The following RBM47 variants were observed in gnomAD, a reference collection of about 807,000 sequenced individuals.
RBM47 encodes RNA-binding protein 47.
In RBM47, 21 loss-of-function variants were observed where a neutral mutation model predicts 47.1. The observed-to-expected ratio is 0.45, with a 90% confidence interval of 0.32 to 0.64. The LOEUF (loss-of-function observed/expected upper bound fraction) is 0.64, where lower values mean the gene tolerates loss of function less well. Ranked by LOEUF, RBM47 falls within the 30% of genes least tolerant of loss-of-function variation. The pLI is 0.05. For synonymous variants in RBM47, 375 were observed against 361.7 expected (o/e 1.04, Z -0.42); for missense variants, 708 against 870.9 (o/e 0.81, Z 2.35).
intron 1 of RBM47, among the ~76,000 whole-genome samples, chr4:40,589,862 A>G (rs1191547923): frequency 6.6e-6 from 1 of 152,220 alleles, no homozygotes; most frequent in South Asian, 2.1e-4. Flanking sequence ...AACACTAATC[A>G]TAAGTACCTG....
chr4:40,553,141 CTTTTTTT>C (rs749256704), intron 1 of RBM47, among the ~76,000 whole-genome samples: 1 of 135,682 alleles, frequency 7.4e-6, no homozygotes, highest in Non-Finnish European at 1.6e-5. Context: ...CCTCTGATTG[CTTTTTTT>C]TTTTTTTAAT....
chr4:40,550,116 G>A (rs1343975089), intron 1 of RBM47, among the ~76,000 whole-genome samples: 2 of 152,204 alleles, frequency 1.3e-5, no homozygotes, highest in Admixed American at 1.3e-4. Context: ...CAACAGAGCT[G>A]TCTTGGAACG....
chr4:40,596,378 G>C (rs1226780515), intron 1 of RBM47, among the ~76,000 whole-genome samples: 1 of 152,174 alleles, frequency 6.6e-6, no homozygotes, highest in East Asian at 1.9e-4. Flanking sequence ...TTCACTTCCT[G>C]GTGCAGGCAC....
Position 40,456,207 on chromosome 4 carries a change from A to G in RBM47, c.-32+10370T>C, listed in dbSNP as rs549362662. ...TAGTAGGCCCTAAATATTGCCTGTTAACTAATTATGGTGTCATATACCATG... is the reference window on the plus strand; with the variant it reads ...TAGTAGGCCCTAAATATTGCCTGTTGACTAATTATGGTGTCATATACCATG... On this transcript the variant is annotated intron_variant, in intron 3 of 6. Transcript: ENST00000295971. 1.9e-3 allele frequency among the ~76,000 whole-genome samples: 294 copies of G among 152,282 alleles called. 2 individuals are homozygous for G. Among genetic ancestry groups the G allele is most frequent in the African/African-American group, 6.6e-3 (276 of 41,566 alleles).
chr4:40,477,178 G>A (rs921778060), intron 2 of RBM47, among the ~76,000 whole-genome samples: 13 of 152,000 alleles, frequency 8.6e-5, no homozygotes, highest in Admixed American at 2.0e-4. Flanking sequence ...GTGAGACTCC[G>A]TCTCGAAAAA....
chr4:40,444,765 A>G (rs1360012179), intron 3 of RBM47, among the ~76,000 whole-genome samples: 1 of 151,704 alleles, frequency 6.6e-6, no homozygotes, highest in African/African-American at 2.4e-5. Context: ...CCAGGATTCA[A>G]GCGATTTATC....
chr4:40,535,486 C>T (rs1727872562), intron 2 of RBM47, among the ~76,000 whole-genome samples: 1 of 151,546 alleles, frequency 6.6e-6, no homozygotes, highest in Non-Finnish European at 1.5e-5. Context: ...ATTCTCCTGC[C>T]TCAGCCTCCT....
intron 2 of RBM47, among the ~76,000 whole-genome samples, chr4:40,524,543 C>T (rs1560444389): frequency 3.3e-5 from 5 of 152,182 alleles, no homozygotes; most frequent in African/African-American, 9.7e-5. Context: ...CTGGAAGTGC[C>T]GTGTGTGTCA....
At chr4:40,627,192 C>T (rs543335739) in intron 1 of RBM47, among the ~76,000 whole-genome samples, 1 of 152,300 alleles carries the variant, frequency 6.6e-6, no homozygotes, top group South Asian at 2.1e-4. Context: ...AGCTTGGAAT[C>T]ACGGTGACAA....
At chr4:40,464,890 C>CAA (rs71646997) in intron 3 of RBM47, among the ~76,000 whole-genome samples, 3,179 of 32,098 alleles carry the variant, frequency 0.099, 582 homozygotes, top group Middle Eastern at 0.13. Context: ...GACTCTGTCT[C>CAA]AAAAAAAAAA....
intron 1 of RBM47, among the ~76,000 whole-genome samples, 164 bp downstream of exon 1, chr4:40,629,232 C>T (rs1254883078): frequency 6.6e-6 from 1 of 152,030 alleles, no homozygotes; most frequent in Non-Finnish European, 1.5e-5. Context: ...TTTTATAAAC[C>T]CTTTATTTCC....
At chr4:40,479,265 C>T (rs1720057136) in intron 2 of RBM47, among the ~76,000 whole-genome samples, 1 of 152,088 alleles carries the variant, frequency 6.6e-6, no homozygotes, top group Non-Finnish European at 1.5e-5. Flanking sequence ...ATGAGTGTTC[C>T]TTATCTGGAC....
rs960434975 is a variant in RBM47, at chr4:40,438,162, G to A, written c.732C>T (p.Thr244=). ...EIDVDEDVME[T]VKILYVRNLM... The stretch of plus-strand genomic sequence containing the variant: ...GGTTGCGCACGTAGAGGATCTTCAC[G>A]GTCTCCATCACGTCCTCGTCCACGT... The change falls in exon 4 of 7, where the codon ACC becomes ACT. Residue 244 remains threonine, a synonymous_variant. Coordinates refer to ENST00000295971, the MANE Select transcript of RBM47 (RefSeq NM_001098634.2). 27 of 1,611,698 alleles carry A rather than the reference G, an allele frequency of 1.7e-5. No individual in the cohort carries two copies. Among genetic ancestry groups the A allele is most frequent in the Non-Finnish European group, 1.9e-5 (22 of 1,180,014 alleles).
intron 3 of RBM47, among the ~76,000 whole-genome samples, chr4:40,465,666 G>A (rs561559737): frequency 1.1e-4 from 16 of 151,014 alleles, no homozygotes; most frequent in African/African-American, 3.7e-4. Flanking sequence ...TCGACAGAGC[G>A]ACACTCCATC....
chr4:40,535,464 C>T (rs1409771483), intron 2 of RBM47, among the ~76,000 whole-genome samples: 1 of 150,884 alleles, frequency 6.6e-6, no homozygotes, highest in Non-Finnish European at 1.5e-5. Context: ...CTCCGCCTCC[C>T]GGGTTCAAGC....
At chr4:40,520,571 A>G (rs1726098989) in intron 2 of RBM47, among the ~76,000 whole-genome samples, 1 of 152,198 alleles carries the variant, frequency 6.6e-6, no homozygotes, top group Admixed American at 6.6e-5. Flanking sequence ...GCTCCCTTGG[A>G]CACTAGGAAA....
At chr4:40,432,203 TACACACACACACAC>T (rs61008905) in intron 6 of RBM47, among the ~76,000 whole-genome samples, 36,524 of 147,514 alleles carry the variant, frequency 0.25, 5,089 homozygotes, top group Middle Eastern at 0.4. Flanking sequence ...TCTCTCTCTT[TACACACACACACAC>T]ACACACACAC....
intron 3 of RBM47, among the ~76,000 whole-genome samples, chr4:40,459,502 G>T (rs1346074532): frequency 6.6e-6 from 1 of 151,954 alleles, no homozygotes; most frequent in Admixed American, 6.6e-5. Flanking sequence ...GGAGTTCAAG[G>T]CTGCATTGAG....
At chr4:40,566,652 A>G (rs552196057) in intron 1 of RBM47, among the ~76,000 whole-genome samples, 1 of 152,032 alleles carries the variant, frequency 6.6e-6, no homozygotes, top group African/African-American at 2.4e-5. Flanking sequence ...CTCAAAAACA[A>G]AACAAAAAGA....
Sources: allele counts gnomAD v4.1 joint callset (sites outside exome capture counted in the v4.1 genomes callset), GRCh38; gene constraint gnomAD v4.1.1; transcripts MANE v1.5; gene names NCBI Gene and HGNC (gene_info 2026-07-23, HGNC 2026-07-21).